The following SORCS1 variants were observed in gnomAD, a reference collection of about 807,000 sequenced individuals.
The protein encoded by SORCS1 is VPS10 domain-containing receptor SorCS1.
In SORCS1, 60 loss-of-function variants were observed where a neutral mutation model predicts 146.1. The ratio of observed to expected loss-of-function variants is 0.41; its 90% confidence interval spans 0.33 to 0.51. The LOEUF (loss-of-function observed/expected upper bound fraction) is 0.51, where lower values mean the gene tolerates loss of function less well. Ranked by LOEUF, SORCS1 falls within the 20% of genes least tolerant of loss-of-function variation. The pLI is 0.21. For missense variants in SORCS1, 1,352 were observed against 1,487.6 expected, an observed-to-expected ratio of 0.91 and a Z score of 1.50; for synonymous variants, 637 against 584.0, an observed-to-expected ratio of 1.09 and a Z score of -1.31.
At chr10:106,689,628 C>T (rs999132872) in intron 9 of SORCS1, among the ~76,000 whole-genome samples, 1 of 152,172 alleles carries the variant, frequency 6.6e-6, no homozygotes, top group African/African-American at 2.4e-5. Flanking sequence ...ACGCCAAGCA[C>T]TATGTCCAGC....
At chr10:106,737,990 C>G (rs1479094213) in intron 5 of SORCS1, among the ~76,000 whole-genome samples, 2 of 151,948 alleles carry the variant, frequency 1.3e-5, no homozygotes, top group Admixed American at 6.6e-5. Flanking sequence ...GGTTCCATAC[C>G]AGAACAAAAA....
chr10:106,952,306 T>G (rs1407669132), intron 2 of SORCS1, among the ~76,000 whole-genome samples: 1 of 152,092 alleles, frequency 6.6e-6, no homozygotes, highest in African/African-American at 2.4e-5. Context: ...GGTAACAGTA[T>G]GAGCTGGTGC....
chr10:106,888,669 C>G (rs76091246), intron 2 of SORCS1, among the ~76,000 whole-genome samples: 2,536 of 152,290 alleles, frequency 0.017, 79 homozygotes, highest in East Asian at 0.12. Flanking sequence ...CGATAACCAT[C>G]TCAAATGGAA....
At chr10:107,081,283 G>A (rs1030649394) in intron 1 of SORCS1, among the ~76,000 whole-genome samples, 1 of 152,148 alleles carries the variant, frequency 6.6e-6, no homozygotes, top group Non-Finnish European at 1.5e-5. Flanking sequence ...CCACGTCACA[G>A]GCTAACCCCA....
chr10:107,152,342 C>T (rs1258440951), intron 1 of SORCS1, among the ~76,000 whole-genome samples: 1 of 152,142 alleles, frequency 6.6e-6, no homozygotes, highest in Non-Finnish European at 1.5e-5. Flanking sequence ...GTTTGGGGTC[C>T]CCATGCAAAG....
intron 1 of SORCS1, among the ~76,000 whole-genome samples, chr10:107,039,978 T>G (rs976861910): frequency 4.6e-5 from 7 of 152,078 alleles, no homozygotes; most frequent in African/African-American, 1.7e-4. Flanking sequence ...AGGCTCCTGC[T>G]TAAGTCCAGG....
chr10:106,582,461 G>T (rs77003830), intron 24 of SORCS1, among the ~76,000 whole-genome samples: 1 of 152,122 alleles, frequency 6.6e-6, no homozygotes, highest in Non-Finnish European at 1.5e-5. Context: ...TTCCGTGGGT[G>T]GTGTCTGCTT....
intron 2 of SORCS1, among the ~76,000 whole-genome samples, chr10:106,859,236 A>T (rs544117502): frequency 6.6e-6 from 1 of 152,256 alleles, no homozygotes; most frequent in East Asian, 1.9e-4. Context: ...CTTCCATGAC[A>T]ACCCAGATTC....
chr10:106,833,259 T>G (rs981718593), intron 2 of SORCS1, among the ~76,000 whole-genome samples: 16 of 152,208 alleles, frequency 1.1e-4, no homozygotes, highest in African/African-American at 3.9e-4. Flanking sequence ...AACCCAAATT[T>G]TGATAATTCT....
At chr10:106,810,764 G>T (rs1947417139) in intron 3 of SORCS1, among the ~76,000 whole-genome samples, 1 of 152,124 alleles carries the variant, frequency 6.6e-6, no homozygotes, top group South Asian at 2.1e-4. Context: ...CTCTCCTAAT[G>T]CACTCCTAAA....
chr10:106,625,647 G>A (rs1454046928), intron 19 of SORCS1, among the ~76,000 whole-genome samples: 2 of 152,102 alleles, frequency 1.3e-5, no homozygotes, highest in African/African-American at 4.8e-5. Context: ...GGGTTTTCAA[G>A]CTACACAGAT....
intron 5 of SORCS1, among the ~76,000 whole-genome samples, chr10:106,749,249 A>G (rs192175421): frequency 2.6e-5 from 4 of 152,310 alleles, no homozygotes; most frequent in Non-Finnish European, 4.4e-5. Flanking sequence ...AGTTAGAGGT[A>G]GTGAGAGGCA....
chr10:106,830,282 C>T (rs1948483805), intron 2 of SORCS1, among the ~76,000 whole-genome samples: 1 of 152,142 alleles, frequency 6.6e-6, no homozygotes, highest in Non-Finnish European at 1.5e-5. Context: ...TCCTATAGAG[C>T]CTCTCAGCTT....
At chr10:106,888,113 G>A (rs577338655) in intron 2 of SORCS1, among the ~76,000 whole-genome samples, 1 of 152,208 alleles carries the variant, frequency 6.6e-6, no homozygotes, top group Non-Finnish European at 1.5e-5. Context: ...ATCTGAGAAC[G>A]TTCTTTGGGT....
At chr10:106,871,024 A>T (rs1476665077) in intron 2 of SORCS1, among the ~76,000 whole-genome samples, 7 of 152,220 alleles carry the variant, frequency 4.6e-5, no homozygotes, top group African/African-American at 1.7e-4. Flanking sequence ...AAACAACCCC[A>T]TTAAAAAGTG....
intron 24 of SORCS1, among the ~76,000 whole-genome samples, chr10:106,583,923 A>C (rs1238069926): frequency 6.6e-6 from 1 of 152,112 alleles, no homozygotes; most frequent in Non-Finnish European, 1.5e-5. Context: ...TCCAGTGTTC[A>C]CTTTCATTCT....
chr10:106,663,675 C>A (rs1311210147), intron 17 of SORCS1, among the ~76,000 whole-genome samples: 1 of 152,162 alleles, frequency 6.6e-6, no homozygotes, highest in East Asian at 1.9e-4. Context: ...TTTCCAAGTT[C>A]ACCAACATTT....
intron 3 of SORCS1, among the ~76,000 whole-genome samples, chr10:106,806,384 AAAAAT>A (rs201338721): frequency 0.047 from 6,609 of 139,640 alleles, 322 homozygotes; most frequent in African/African-American, 0.12. Flanking sequence ...AAAATAAAAT[AAAAAT>A]AAAATAAAAT....
chr10:107,144,244 A>G (rs1247527156), intron 1 of SORCS1, among the ~76,000 whole-genome samples: 2 of 152,174 alleles, frequency 1.3e-5, no homozygotes, highest in Non-Finnish European at 2.9e-5. Context: ...CTTTGCACAT[A>G]CCAAATTATA....
Sources: gnomAD v4.1 joint callset for allele counts (sites outside exome capture counted in the v4.1 genomes callset) on GRCh38, gnomAD v4.1.1 for gene constraint, MANE v1.5 for transcripts, NCBI Gene and HGNC (gene_info 2026-07-23, HGNC 2026-07-21) for gene names.